The following STX18 variants were observed in gnomAD, a reference collection of about 807,000 sequenced individuals.
The protein encoded by STX18 is syntaxin 18.
STX18 carries 40 observed loss-of-function variants against 50.1 expected under a neutral mutation model. That is an observed-to-expected ratio of 0.80 (90% CI 0.62 to 1.04). The LOEUF (loss-of-function observed/expected upper bound fraction) is 1.04. Ranked by LOEUF, STX18 falls within the 50% of genes least tolerant of loss-of-function variation. The pLI is 0.00. For synonymous variants in STX18, 158 were observed against 151.8 expected (o/e 1.04, Z -0.30); for missense variants, 410 against 415.8 (o/e 0.99, Z 0.12).
chr4:4,498,892 A>C (rs1218839697), intron 1 of STX18, among the ~76,000 whole-genome samples: 1 of 152,204 alleles, frequency 6.6e-6, no homozygotes, highest in Non-Finnish European at 1.5e-5. Flanking sequence ...GTAAGACATC[A>C]CCTGTTTCAC....
In STX18 at chr4:4,471,996, T is replaced by C. The variant is rs77782363; in HGVS notation, c.169-290A>G. ...AGATAATGCATGTCTAGTAATTACA[T>C]AGCATGTGTTCAATAAGGTTAATTC... On this transcript the variant is annotated intron_variant, in intron 1 of 10. Coordinates refer to ENST00000306200, the MANE Select transcript of STX18 (RefSeq NM_016930.4). Among the ~76,000 whole-genome samples, 324 of 152,360 alleles carry C rather than the reference T, an allele frequency of 2.1e-3. 1 individual carries two copies. Among genetic ancestry groups the C allele is most frequent in the Non-Finnish European group, 3.9e-3 (265 of 68,034 alleles).
At chr4:4,518,855 G>A (rs778566081) in intron 1 of STX18, among the ~76,000 whole-genome samples, 3 of 152,094 alleles carry the variant, frequency 2.0e-5, no homozygotes, top group Non-Finnish European at 2.9e-5. Flanking sequence ...AAATAAATTG[G>A]GAGCTTAAAA....
At chr4:4,438,684 A>T (rs1449822267) in intron 5 of STX18, among the ~76,000 whole-genome samples, 175 bp from the exon 6 acceptor site, 1 of 151,908 alleles carries the variant, frequency 6.6e-6, no homozygotes, top group African/African-American at 2.4e-5. Context: ...GGCACTTAAC[A>T]CTGGCATTAT....
chr4:4,431,587 T>C (rs538550543), intron 7 of STX18, among the ~76,000 whole-genome samples: 3 of 152,102 alleles, frequency 2.0e-5, no homozygotes, highest in Non-Finnish European at 4.4e-5. Flanking sequence ...CTGTAAGATG[T>C]CTCCCACATG....
At chr4:4,451,901 G>C (rs1439402170) in intron 5 of STX18, among the ~76,000 whole-genome samples, 1 of 152,208 alleles carries the variant, frequency 6.6e-6, no homozygotes, top group African/African-American at 2.4e-5. Context: ...ATGAATCTTA[G>C]TTAGAAGGCA....
intron 2 of STX18, among the ~76,000 whole-genome samples, chr4:4,463,403 A>G (rs1727478748): frequency 6.6e-6 from 1 of 152,228 alleles, no homozygotes; most frequent in African/African-American, 2.4e-5. Flanking sequence ...ACTACATTTA[A>G]AAGTATATTT....
At chr4:4,422,221 A>G (rs1041159909) in intron 9 of STX18, among the ~76,000 whole-genome samples, 2 of 151,032 alleles carry the variant, frequency 1.3e-5, no homozygotes, top group African/African-American at 4.9e-5. Context: ...ATGAACTACA[A>G]TGCAACACTG....
intron 5 of STX18, among the ~76,000 whole-genome samples, chr4:4,450,291 T>C (rs1726677498): frequency 6.6e-6 from 1 of 152,154 alleles, no homozygotes. Context: ...CCCTTTCACT[T>C]CTCCTATAGT....
rs139820100 is a variant in STX18, at chr4:4,499,830, C to T, written c.169-28124G>A. Reference sequence around the variant, plus strand: ...CTAAATAAAAGAATAAAAGAATGTGCGTTCAGTGGGGGGAAATGGCTTTTC... The same window carrying T: ...CTAAATAAAAGAATAAAAGAATGTGTGTTCAGTGGGGGGAAATGGCTTTTC... On this transcript the variant is annotated intron_variant, in intron 1 of 10. Coordinates refer to ENST00000306200, the MANE Select transcript of STX18 (RefSeq NM_016930.4). 2.2e-3 allele frequency among the ~76,000 whole-genome samples: 329 copies of T among 151,450 alleles called. 6 individuals carry two copies. The highest frequency in any genetic ancestry group is 0.011 in the East Asian group (59 of 5,172).
intron 1 of STX18, among the ~76,000 whole-genome samples, chr4:4,529,038 C>T (rs1452511787): frequency 3.3e-5 from 5 of 152,074 alleles, no homozygotes; most frequent in South Asian, 2.1e-4. Context: ...TTCTCTTTTC[C>T]CCAAAAGCAA....
intron 2 of STX18, 80 bp downstream of exon 2, chr4:4,471,559 G>T: frequency 1.0e-6 from 1 of 957,278 alleles, no homozygotes; most frequent in Non-Finnish European, 1.5e-6. Flanking sequence ...AGAAAAAGGT[G>T]AGGGCAAAAA....
chr4:4,451,544 C>A lies in STX18; in HGVS notation c.497+5647G>T, dbSNP rs113995118. Among the ~76,000 whole-genome samples, 764 of 152,320 alleles carry A rather than the reference C, an allele frequency of 5.0e-3. 4 individuals carry two copies. Among genetic ancestry groups the A allele is most frequent in the African/African-American group, 0.018 (736 of 41,572 alleles). ...GATGCCATGTTTCCAACAGCATGTTCTCACTTTGTGTCTCTGTCACATTTT... is the reference window on the plus strand; with the variant it reads ...GATGCCATGTTTCCAACAGCATGTTATCACTTTGTGTCTCTGTCACATTTT... On this transcript the variant is annotated intron_variant, in intron 5 of 10. Transcript: ENST00000306200.
At chr4:4,502,957 A>G (rs1729524973) in intron 1 of STX18, among the ~76,000 whole-genome samples, 1 of 152,140 alleles carries the variant, frequency 6.6e-6, no homozygotes, top group Non-Finnish European at 1.5e-5. Flanking sequence ...CTCAAACAAA[A>G]CAACGCTCAG....
chr4:4,469,334 A>G (rs1727792769), intron 2 of STX18, among the ~76,000 whole-genome samples: 1 of 152,240 alleles, frequency 6.6e-6, no homozygotes, highest in Admixed American at 6.5e-5. Flanking sequence ...TGTGGCCCAC[A>G]GAACCTAAAC....
rs1488906490 is a variant in STX18, at chr4:4,420,330, A to G, written c.913-201T>C. On this transcript the variant is annotated intron_variant, in intron 10 of 10. Transcript: ENST00000306200. The surrounding 1 kb of genome is among the most constrained non-coding windows in gnomAD (Gnocchi z 4.3). ...TTATATTTCCCTCTGTTTGGCCATC[A>G]TTTGGGTCCTGCACAATTCTCCCTC... The G allele has an allele frequency of 1.8e-6, 1 of 564,510 alleles. No homozygotes were observed. The highest frequency in any genetic ancestry group is 2.1e-5 in the South Asian group (1 of 48,362). The allele number at this position is 564,510 out of a possible 1,614,324, so 35.0% of individuals were successfully genotyped here.
intron 5 of STX18, among the ~76,000 whole-genome samples, chr4:4,443,769 C>T (rs567650540): frequency 9.9e-5 from 15 of 151,640 alleles, no homozygotes; most frequent in African/African-American, 3.6e-4. Context: ...ACCCCCTTAA[C>T]AAAAAAAGAA....
In STX18 at chr4:4,425,023, A is replaced by T. The variant is rs1397795513; in HGVS notation, c.761+141T>A. The T allele has an allele frequency of 9.5e-5, 70 of 734,672 alleles. 1 individual carries two copies. Among genetic ancestry groups the T allele is most frequent in the Non-Finnish European group, 2.4e-5 (10 of 423,738 alleles). 45.5% of individuals were successfully genotyped at this position (734,672 alleles called of 1,614,324 possible). A position where few individuals can be genotyped will look rare whatever the true frequency, so the allele number is the denominator to read the frequency against. On this transcript the variant is annotated intron_variant, in intron 8 of 10. Transcript: ENST00000306200. ...TGGATTCAGGCCACATGCCCACCCC[A>T]GCCCAGTCAAAATGGCTGAGGGGGG...
intron 1 of STX18, chr4:4,507,285 GGA>G (rs1729759413): frequency 2.8e-6 from 2 of 713,554 alleles, no homozygotes; most frequent in Non-Finnish European, 2.7e-6. Flanking sequence ...AGGCTCTTCT[GGA>G]GCTGGAAAAG....
intron 1 of STX18, among the ~76,000 whole-genome samples, chr4:4,509,472 G>C (rs1729894226): frequency 6.6e-6 from 1 of 151,936 alleles, no homozygotes; most frequent in East Asian, 1.9e-4. Flanking sequence ...TTGCCAGGTG[G>C]ATAGATTACG....
Sources: allele counts gnomAD v4.1 joint callset (sites outside exome capture counted in the v4.1 genomes callset), GRCh38; gene constraint gnomAD v4.1.1; non-coding constraint Gnocchi (gnomAD v3.1); transcripts MANE v1.5; gene names NCBI Gene and HGNC (gene_info 2026-07-23, HGNC 2026-07-21).